The following SCAPER variants were observed in gnomAD, a reference collection of about 807,000 sequenced individuals.
The protein encoded by SCAPER is S-phase cyclin A associated protein in the ER, also known as S phase cyclin A-associated protein in the endoplasmic reticulum.
A neutral mutation model predicts 182.2 loss-of-function variants in SCAPER; 98 were observed. The ratio of observed to expected loss-of-function variants is 0.54; its 90% CI spans 0.46 to 0.64. The LOEUF (loss-of-function observed/expected upper bound fraction) is 0.64, where lower values mean the gene tolerates loss of function less well. Among genes scored for constraint, SCAPER ranks in the 30% least tolerant of loss-of-function variants. The pLI is 0.00. For synonymous variants in SCAPER, 605 were observed against 564.6 expected (o/e 1.07, Z -1.01); for missense variants, 1,432 against 1,690.0 (o/e 0.85, Z 2.68).
rs777125257 is a variant in SCAPER at position 76,728,750 on chromosome 15, A to G, written c.2023-13T>C. 1.8e-5 allele frequency: 29 copies of G among 1,600,104 alleles called. No individual in the cohort carries two copies. The highest frequency in any genetic ancestry group is 2.4e-5 in the Non-Finnish European group (28 of 1,175,574). ...CTCTCTTGCGTTCCTAATGTTAGAA[A>G]TATTTGTTTCCAATATTAGAATTAT... On this transcript the variant is annotated splice_polypyrimidine_tract_variant and intron_variant, in intron 16 of 31. Transcript: ENST00000563290.
chr15:76,535,835 C>T (rs966222315), intron 23 of SCAPER, among the ~76,000 whole-genome samples: 1 of 152,104 alleles, frequency 6.6e-6, no homozygotes, highest in Non-Finnish European at 1.5e-5. Context: ...ACAGGTATGA[C>T]AGAAGAGTCA....
intron 1 of SCAPER, among the ~76,000 whole-genome samples, chr15:76,884,315 C>T (rs1191095675): frequency 3.3e-5 from 5 of 152,186 alleles, no homozygotes; most frequent in African/African-American, 1.2e-4. Context: ...TGAGTCTGAA[C>T]TCAGTATAGA....
intron 24 of SCAPER, among the ~76,000 whole-genome samples, chr15:76,491,474 G>A (rs539625903): frequency 6.6e-6 from 1 of 152,156 alleles, no homozygotes; most frequent in Non-Finnish European, 1.5e-5. Context: ...CTACCCAGGT[G>A]TGGGATTGCT....
chr15:76,512,278 T>C (rs16968316), intron 23 of SCAPER, among the ~76,000 whole-genome samples: 12,969 of 152,030 alleles, frequency 0.085, 634 homozygotes, highest in African/African-American at 0.12. Flanking sequence ...TTACTATGTT[T>C]GCCTCACAGA....
At chr15:76,795,206 A>G in intron 8 of SCAPER, 74 bp downstream of exon 8, 1 of 1,306,910 alleles carries the variant, frequency 7.7e-7, no homozygotes, top group Non-Finnish European at 1.0e-6. Context: ...AAATAGGACC[A>G]ATTTTAAACA....
chr15:76,488,714 C>CTTTTTTTTTTTTTTTTTTTGTTTTTTTT (rs2051926949), intron 24 of SCAPER, among the ~76,000 whole-genome samples: 1 of 93,144 alleles, frequency 1.1e-5, no homozygotes, highest in Non-Finnish European at 2.0e-5. Flanking sequence ...AGTACACTGC[C>CTTTTTTTTTTTTTTTTTTTGTTTTTTTT]TTTTTTTTTT....
At chr15:76,552,641 C>G (rs898918919) in intron 23 of SCAPER, among the ~76,000 whole-genome samples, 3 of 152,162 alleles carry the variant, frequency 2.0e-5, no homozygotes, top group Non-Finnish European at 4.4e-5. Flanking sequence ...GCAGGGACAG[C>G]TGCACAGAAA....
chr15:76,767,237 CACTTACTAG>C, intron 10 of SCAPER, 149 bp from the exon 11 acceptor site: 1 of 741,904 alleles, frequency 1.3e-6, no homozygotes, highest in South Asian at 2.0e-5. Flanking sequence ...CAGGCTCATC[CACTTACTAG>C]CTGTGTGCCT....
chr15:76,584,209 T>G (rs2048464041), intron 22 of SCAPER, among the ~76,000 whole-genome samples: 1 of 152,142 alleles, frequency 6.6e-6, no homozygotes, highest in Non-Finnish European at 1.5e-5. Flanking sequence ...GTTTGGGAGC[T>G]AAAAATTAAA....
intron 15 of SCAPER, among the ~76,000 whole-genome samples, chr15:76,742,210 T>G (rs2061577584): frequency 6.6e-6 from 1 of 151,714 alleles, no homozygotes; most frequent in Non-Finnish European, 1.5e-5. Context: ...GGGAAAATCA[T>G]ATAAGGAATT....
At chr15:76,635,631 T>C (rs918608680) in intron 21 of SCAPER, among the ~76,000 whole-genome samples, 2 of 152,236 alleles carry the variant, frequency 1.3e-5, no homozygotes, top group Non-Finnish European at 2.9e-5. Context: ...TTTCATGTCT[T>C]CTTCCTGATC....
intron 21 of SCAPER, among the ~76,000 whole-genome samples, chr15:76,631,769 T>C (rs2053135905): frequency 1.3e-5 from 2 of 152,176 alleles, no homozygotes; most frequent in Admixed American, 6.5e-5. Context: ...CGTCTTGGGG[T>C]TGATCTTCTT....
chr15:76,636,196 G>GA (rs1567662688), intron 21 of SCAPER, among the ~76,000 whole-genome samples: 1 of 152,088 alleles, frequency 6.6e-6, no homozygotes, highest in Non-Finnish European at 1.5e-5. Context: ...TAACAGGGCT[G>GA]AAAAAAATTC....
chr15:76,568,190 C>CATATATATAT lies in SCAPER; in HGVS notation c.2838+5958_2838+5967dup, dbSNP rs60959582. ...AGTACCTCACATGTCATGGATCAAG[C>CATATATATAT]ATATATATATATATATATATATATA... On this transcript the variant is annotated intron_variant, in intron 23 of 31. Transcript: ENST00000563290. 3.6e-3 allele frequency among the ~76,000 whole-genome samples: 499 copies of CATATATATAT among 138,574 alleles called. 9 individuals carry two copies. The highest frequency in any genetic ancestry group is 0.014 in the African/African-American group (449 of 33,244). The allele number at this position is 138,574 out of a possible 152,430, so 90.9% of individuals were successfully genotyped here.
chr15:76,535,814 A>G (rs1209794814), intron 23 of SCAPER, among the ~76,000 whole-genome samples: 1 of 152,122 alleles, frequency 6.6e-6, no homozygotes, highest in Non-Finnish European at 1.5e-5. Context: ...TTTATGAATC[A>G]TCTCAGAAAT....
rs552502389 is a variant in SCAPER at position 76,371,106 on chromosome 15, T to C, written c.3855+5056A>G. On this transcript the variant is annotated intron_variant, in intron 29 of 31. Transcript: ENST00000563290. Reference sequence around the variant, plus strand: ...CAAAACCTGGATGCTAGCCCTGATCTTTCATAGAGAAATGATTCTCTGTGT... The same window carrying C: ...CAAAACCTGGATGCTAGCCCTGATCCTTCATAGAGAAATGATTCTCTGTGT... Among the ~76,000 whole-genome samples the C allele has an allele frequency of 3.2e-4, 48 of 152,272 alleles. No homozygotes were observed. The South Asian group carries it at 4.6e-3, about 14-fold the overall frequency.
intron 20 of SCAPER, among the ~76,000 whole-genome samples, chr15:76,686,802 T>C (rs1444532450): frequency 6.6e-6 from 1 of 152,082 alleles, no homozygotes; most frequent in Non-Finnish European, 1.5e-5. Flanking sequence ...AAAGATTACA[T>C]ACAGCAAGGT....
intron 24 of SCAPER, among the ~76,000 whole-genome samples, chr15:76,476,315 C>T (rs1322683443): frequency 6.6e-6 from 1 of 152,180 alleles, no homozygotes; most frequent in Non-Finnish European, 1.5e-5. Flanking sequence ...TTGTGCTGGC[C>T]TCAGAAGGAG....
At chr15:76,488,896 T>A (rs951770336) in intron 24 of SCAPER, among the ~76,000 whole-genome samples, 2 of 151,182 alleles carry the variant, frequency 1.3e-5, no homozygotes, top group African/African-American at 4.9e-5. Context: ...CTAATTTTTG[T>A]ATTTTTAGTA....
Sources: allele counts gnomAD v4.1 joint callset (sites outside exome capture counted in the v4.1 genomes callset), GRCh38; gene constraint gnomAD v4.1.1; transcripts MANE v1.5; gene names NCBI Gene and HGNC (gene_info 2026-07-23, HGNC 2026-07-21).